The following ATL1 variants were observed in gnomAD, a reference collection of about 807,000 sequenced individuals.
ATL1 encodes atlastin-1.
A neutral mutation model predicts 75.5 loss-of-function variants in ATL1; 31 were observed. That is an observed-to-expected ratio of 0.41 (90% CI 0.31 to 0.55). The LOEUF (loss-of-function observed/expected upper bound fraction) is 0.55. ATL1 is among the 20% of genes least tolerant of loss of function. The pLI is 0.27. For missense variants in ATL1, 405 were observed against 662.6 expected, an observed-to-expected ratio of 0.61 and a Z score of 4.27; for synonymous variants, 226 against 233.3, an observed-to-expected ratio of 0.97 and a Z score of 0.28.
chr14:50,610,322 C>T (rs1227915528), intron 6 of ATL1, among the ~76,000 whole-genome samples: 2 of 151,974 alleles, frequency 1.3e-5, no homozygotes, highest in East Asian at 3.9e-4. Flanking sequence ...AGCAATATTC[C>T]ATGGAAAAAG....
chr14:50,602,940 T>G (rs772890136), intron 6 of ATL1, among the ~76,000 whole-genome samples: 4 of 152,122 alleles, frequency 2.6e-5, no homozygotes, highest in Non-Finnish European at 5.9e-5. Flanking sequence ...CTGCACTCTC[T>G]ATGTCATTCT....
At chr14:50,614,580 G>A in intron 8 of ATL1, 69 bp downstream of exon 8, 1 of 1,518,740 alleles carries the variant, frequency 6.6e-7, no homozygotes. Flanking sequence ...TTATCTATTG[G>A]GCTTATGGCT....
chr14:50,607,443 T>C (rs2039325961), intron 6 of ATL1, among the ~76,000 whole-genome samples: 1 of 152,048 alleles, frequency 6.6e-6, no homozygotes, highest in South Asian at 2.1e-4. Flanking sequence ...TCTGAGAATA[T>C]GTCTTTTGTT....
intron 8 of ATL1, among the ~76,000 whole-genome samples, chr14:50,616,876 T>C (rs4901043): frequency 0.5 from 75,540 of 151,970 alleles, 19,788 homozygotes; most frequent in East Asian, 0.74. Context: ...AAGTCTGCTA[T>C]CTACATTATT....
chr14:50,610,655 C>T (rs560772286), intron 6 of ATL1, among the ~76,000 whole-genome samples: 33 of 152,102 alleles, frequency 2.2e-4, no homozygotes, highest in South Asian at 1.5e-3. Flanking sequence ...ATATTTTAAA[C>T]GCTGACATTG....
At chr14:50,565,553 G>A (rs897686841) in intron 1 of ATL1, among the ~76,000 whole-genome samples, 1 of 150,776 alleles carries the variant, frequency 6.6e-6, no homozygotes, top group Non-Finnish European at 1.5e-5. Context: ...GACATGTACT[G>A]TAGATTTTCC....
chr14:50,589,832 AT>A (rs977820948), intron 2 of ATL1, among the ~76,000 whole-genome samples: 3 of 152,186 alleles, frequency 2.0e-5, no homozygotes, highest in African/African-American at 4.8e-5. Flanking sequence ...GTTTATGTAG[AT>A]TTTTTATCAG....
intron 12 of ATL1, among the ~76,000 whole-genome samples, chr14:50,628,734 A>AG (rs924651352): frequency 2.6e-5 from 4 of 152,098 alleles, no homozygotes; most frequent in South Asian, 2.1e-4. Flanking sequence ...TTTTTTGGGT[A>AG]GGGGGGCAGT....
At chr14:50,551,363 G>A (rs2140160235) in intron 1 of ATL1, among the ~76,000 whole-genome samples, 1 of 152,018 alleles carries the variant, frequency 6.6e-6, no homozygotes, top group East Asian at 1.9e-4. Flanking sequence ...ATAACAAGCA[G>A]TGAGATTGAA....
chr14:50,574,720 C>T (rs2038984734), intron 1 of ATL1, among the ~76,000 whole-genome samples: 2 of 151,570 alleles, frequency 1.3e-5, no homozygotes, highest in East Asian at 1.9e-4. Context: ...CAAATGGCTC[C>T]ATATCTTGTA....
At chr14:50,567,774 C>G (rs1453986569) in intron 1 of ATL1, among the ~76,000 whole-genome samples, 1 of 151,968 alleles carries the variant, frequency 6.6e-6, no homozygotes, top group Non-Finnish European at 1.5e-5. Flanking sequence ...GTTTAATTGC[C>G]ACAAATTTGT....
intron 1 of ATL1, among the ~76,000 whole-genome samples, chr14:50,576,292 A>G (rs186344598): frequency 1.6e-3 from 226 of 144,136 alleles, no homozygotes; most frequent in Middle Eastern, 3.4e-3. Context: ...TTTTCAACAT[A>G]TATTTTCAAC....
intron 1 of ATL1, among the ~76,000 whole-genome samples, chr14:50,566,465 A>G (rs2038905107): frequency 6.6e-6 from 1 of 152,176 alleles, no homozygotes; most frequent in Admixed American, 6.5e-5. Context: ...GGGAATCTAG[A>G]GTGTGCATTT....
At chr14:50,542,004 C>A in intron 1 of ATL1, among the ~76,000 whole-genome samples, 1 of 71,804 alleles carries the variant, frequency 1.4e-5, no homozygotes, top group African/African-American at 7.1e-5. Context: ...GAGATTCCGT[C>A]TCAAAAAAAA....
At chr14:50,624,037 A>T (rs190987880) in intron 11 of ATL1, among the ~76,000 whole-genome samples, 89 of 149,766 alleles carry the variant, frequency 5.9e-4, no homozygotes, top group Admixed American at 9.3e-4. Context: ...CCTGGGCAAC[A>T]GAGCAAGAAT....
intron 6 of ATL1, among the ~76,000 whole-genome samples, chr14:50,597,844 G>A (rs1444544142): frequency 2.0e-5 from 3 of 151,916 alleles, no homozygotes; most frequent in Non-Finnish European, 2.9e-5. Flanking sequence ...ACAGGTGCCC[G>A]CCACCACACC....
chr14:50,570,752 G>A (rs1203930700), intron 1 of ATL1, among the ~76,000 whole-genome samples: 1 of 152,084 alleles, frequency 6.6e-6, no homozygotes, highest in African/African-American at 2.4e-5. Flanking sequence ...TAAATGGCCA[G>A]TACTTTCTTC....
At chr14:50,618,957 CTTGGCT>C (rs2140230905) in intron 8 of ATL1, among the ~76,000 whole-genome samples, 1 of 152,050 alleles carries the variant, frequency 6.6e-6, no homozygotes, top group South Asian at 2.1e-4. Context: ...GTGGCACAAT[CTTGGCT>C]CACTGCAACC....
chr14:50,553,600 G>C (rs1330598490), intron 1 of ATL1, among the ~76,000 whole-genome samples: 1 of 152,076 alleles, frequency 6.6e-6, no homozygotes, highest in African/African-American at 2.4e-5. Flanking sequence ...CCCACTACTG[G>C]GTGTTTACCC....
Sources: allele counts gnomAD v4.1 joint callset (sites outside exome capture counted in the v4.1 genomes callset), GRCh38; gene constraint gnomAD v4.1.1; transcripts MANE v1.5; gene names NCBI Gene and HGNC (gene_info 2026-07-23, HGNC 2026-07-21).